The following TMEM167A variants were observed in gnomAD, a reference collection of about 807,000 sequenced individuals.
TMEM167A encodes the protein transmembrane protein 167A.
Under a neutral mutation model 11.6 loss-of-function variants are expected in TMEM167A, and 8 were observed. That is an observed-to-expected ratio of 0.69 (90% CI 0.40 to 1.24). The LOEUF (loss-of-function observed/expected upper bound fraction) is 1.24, where lower values mean the gene tolerates loss of function less well. Ranked by LOEUF, TMEM167A falls within the 50% of genes most tolerant of loss-of-function variation. TMEM167A has a pLI of 0.01. For missense variants in TMEM167A, 62 were observed against 87.0 expected, an observed-to-expected ratio of 0.71 and a Z score of 1.14; for synonymous variants, 22 against 28.0, an observed-to-expected ratio of 0.79 and a Z score of 0.67.
chr5:83,064,126 T>G (rs1744445156), intron 2 of TMEM167A: 1 of 387,954 alleles, frequency 2.6e-6, no homozygotes, highest in African/African-American at 2.2e-5. Context: ...AATAAAGGTT[T>G]TAAAAAAAGC....
chr5:83,064,792 CTT>C (rs112216806), intron 2 of TMEM167A, among the ~76,000 whole-genome samples: 385 of 152,148 alleles, frequency 2.5e-3, no homozygotes, highest in African/African-American at 8.5e-3. Flanking sequence ...ATTTTTTACT[CTT>C]AACACATTTT....
At chr5:83,059,415 T>C (rs571756791) in intron 3 of TMEM167A, among the ~76,000 whole-genome samples, 1 of 151,354 alleles carries the variant, frequency 6.6e-6, no homozygotes, top group East Asian at 1.9e-4. Context: ...TTAATAAAAC[T>C]GAGATGAAAA....
In TMEM167A at chr5:83,053,968, C is replaced by G. The variant is rs1220974179; in HGVS notation, c.*3116G>C. The G allele has an allele frequency of 6.6e-6, 1 of 152,018 alleles. No homozygotes were observed. Among genetic ancestry groups the G allele is most frequent in the Non-Finnish European group, 1.5e-5 (1 of 67,946 alleles). The allele number at this position is 152,018 out of a possible 1,614,324, so 9.4% of individuals were successfully genotyped here. A position where few individuals can be genotyped will look rare whatever the true frequency, so the allele number is the denominator to read the frequency against. ...TCTTCCTGTCTTCAGTGATGATATA[C>G]TGAAAGAATGGTGTAGGAGTAGAAA... On this transcript the variant is annotated 3_prime_UTR_variant, in exon 4 of 4. Transcript: ENST00000502346.
At position 83,056,298 on chromosome 5, in the gene TMEM167A, T is replaced by C. The variant is rs1237593607; in HGVS notation, c.*786A>G. The C allele has an allele frequency of 1.3e-5, 2 of 151,972 alleles. No homozygotes were observed. Among genetic ancestry groups the C allele is most frequent in the African/African-American group, 4.8e-5 (2 of 41,404 alleles). The allele number at this position is 151,972 out of a possible 1,614,324, so 9.4% of individuals were successfully genotyped here. A position where few individuals can be genotyped will look rare whatever the true frequency, so the allele number is the denominator to read the frequency against. ...GACACTAAAAAGAATGAAAAACACATATAGGATAATTATTTTATAATTGTT... is the reference window on the plus strand; with the variant it reads ...GACACTAAAAAGAATGAAAAACACACATAGGATAATTATTTTATAATTGTT... On this transcript the variant is annotated 3_prime_UTR_variant, in exon 4 of 4. Transcript: ENST00000502346.
At chr5:83,066,112 C>A (rs1177757898) in intron 1 of TMEM167A, among the ~76,000 whole-genome samples, 1 of 151,364 alleles carries the variant, frequency 6.6e-6, no homozygotes. Context: ...CACTAGAAGC[C>A]CAATAAGAGA....
chr5:83,058,079 C>T (rs1224663564), intron 3 of TMEM167A, among the ~76,000 whole-genome samples: 1 of 152,052 alleles, frequency 6.6e-6, no homozygotes, highest in South Asian at 2.1e-4. Context: ...GTTTACACTA[C>T]CCTCACCTGT....
intron 1 of TMEM167A, among the ~76,000 whole-genome samples, chr5:83,067,625 C>T (rs543087151): frequency 8.3e-4 from 126 of 152,010 alleles, no homozygotes; most frequent in African/African-American, 3.0e-3. Context: ...CTGCCTCAGT[C>T]TCCCCAGTAG....
At chr5:83,074,105 G>A (rs1193285762) in intron 1 of TMEM167A, among the ~76,000 whole-genome samples, 1 of 152,166 alleles carries the variant, frequency 6.6e-6, no homozygotes, top group Non-Finnish European at 1.5e-5. Flanking sequence ...AAAATATAAA[G>A]TCTTTGGCAT....
At chr5:83,066,116 TAA>T (rs111668887) in intron 1 of TMEM167A, among the ~76,000 whole-genome samples, 401 of 152,008 alleles carry the variant, frequency 2.6e-3, no homozygotes, top group African/African-American at 8.9e-3. Context: ...AGAAGCCCAA[TAA>T]GAGAGAGTTG....
At chr5:83,059,912 T>C (rs1161238273) in intron 3 of TMEM167A, among the ~76,000 whole-genome samples, 1 of 151,654 alleles carries the variant, frequency 6.6e-6, no homozygotes, top group African/African-American at 2.4e-5. Flanking sequence ...CCCAGAGTGG[T>C]AACTACTTAT....
intron 1 of TMEM167A, among the ~76,000 whole-genome samples, chr5:83,074,430 C>T (rs1744608344): frequency 6.6e-6 from 1 of 152,208 alleles, no homozygotes; most frequent in Non-Finnish European, 1.5e-5. Context: ...TTCTACATAT[C>T]TTCTGCTATA....
chr5:83,064,379 A>G lies in TMEM167A; in HGVS notation c.113+629T>C, dbSNP rs761289884. 5.6e-5 allele frequency: 29 copies of G among 516,540 alleles called. No individual in the cohort carries two copies. The Middle Eastern group carries it at 1.6e-3, about 28-fold the overall frequency. The allele number at this position is 516,540 out of a possible 1,614,324, so 32.0% of individuals were successfully genotyped here. The stretch of plus-strand genomic sequence containing the variant: ...GAAGAATTTTCGTGATAGCATAGGG[A>G]AAGTATTCTACTACTATGTAATTAT... On this transcript the variant is annotated intron_variant, in intron 2 of 3. Transcript: ENST00000502346.
intron 2 of TMEM167A, among the ~76,000 whole-genome samples, chr5:83,064,508 A>G (rs1044729124): frequency 3.9e-5 from 6 of 152,164 alleles, no homozygotes. Flanking sequence ...AGAGTCTACC[A>G]TATGCTTTAA....
At chr5:83,061,976 G>A (rs936553526) in intron 2 of TMEM167A, 65 bp from the exon 3 acceptor site, 2 of 1,294,424 alleles carry the variant, frequency 1.5e-6, no homozygotes, top group East Asian at 4.7e-5. Context: ...TTATTCTCTT[G>A]ATATCATATA....
intron 1 of TMEM167A, among the ~76,000 whole-genome samples, chr5:83,069,178 G>T (rs1744527064): frequency 6.6e-6 from 1 of 152,116 alleles, no homozygotes; most frequent in Non-Finnish European, 1.5e-5. Context: ...ATCTTAGGTG[G>T]TAAGTCTTTT....
intron 3 of TMEM167A, among the ~76,000 whole-genome samples, chr5:83,060,319 T>C (rs1744389712): frequency 6.6e-6 from 1 of 152,076 alleles, no homozygotes; most frequent in South Asian, 2.1e-4. Context: ...TCATTATAAA[T>C]GTCTAACAGC....
rs1298459511 is a variant in TMEM167A, at chr5:83,056,920, C to T, written c.*164G>A. The T allele has an allele frequency of 2.9e-6, 2 of 680,126 alleles. No individual in the cohort carries two copies. The highest frequency in any genetic ancestry group is 2.6e-6 in the Non-Finnish European group (1 of 385,556). The allele number at this position is 680,126 out of a possible 1,614,324, so 42.1% of individuals were successfully genotyped here. ...AATGGTTACATCTTAATTGTTTATA[C>T]AGAACATTGGTCCAATAACATTAAA... On this transcript the variant is annotated 3_prime_UTR_variant, in exon 4 of 4. Coordinates refer to ENST00000502346, the MANE Select transcript of TMEM167A (RefSeq NM_174909.5).
At position 83,053,109 on chromosome 5, in the gene TMEM167A, C is replaced by G. The variant is rs1744281567; in HGVS notation, c.*3975G>C. On this transcript the variant is annotated 3_prime_UTR_variant, in exon 4 of 4. Coordinates refer to ENST00000502346, the MANE Select transcript of TMEM167A (RefSeq NM_174909.5). ...GCTTAGTAATAACCACAAGGTTGTA[C>G]AGCGTTCACAATGCTGGTATTAATC... 1 of 151,906 alleles carries G rather than the reference C, an allele frequency of 6.6e-6. No individual in the cohort carries two copies. 9.4% of individuals were successfully genotyped at this position (151,906 alleles called of 1,614,324 possible). A position where few individuals can be genotyped will look rare whatever the true frequency, so the allele number is the denominator to read the frequency against.
chr5:83,057,284 G>T, intron 3 of TMEM167A, 130 bp from the exon 4 acceptor site: 1 of 717,480 alleles, frequency 1.4e-6, no homozygotes, highest in South Asian at 1.6e-5. Context: ...GTGGGGCAGT[G>T]ACAAAAACTA....
Sources: allele counts gnomAD v4.1 joint callset (sites outside exome capture counted in the v4.1 genomes callset), GRCh38; gene constraint gnomAD v4.1.1; transcripts MANE v1.5; gene names NCBI Gene and HGNC (gene_info 2026-07-23, HGNC 2026-07-21).